The following CPS1 variants were observed in gnomAD, a reference collection of about 807,000 sequenced individuals.
CPS1 encodes the protein carbamoyl-phosphate synthase 1.
CPS1 carries 109 observed loss-of-function variants against 174.6 expected under a neutral mutation model. The ratio of observed to expected loss-of-function variants is 0.62; its 90% CI spans 0.53 to 0.73. The LOEUF is 0.73. CPS1 is among the 30% of genes least tolerant of loss of function. The probability of loss-of-function intolerance (pLI) is 0.00; values close to 1 mark genes in which losing one functional copy is unlikely to be tolerated. For synonymous variants in CPS1, 637 were observed against 632.0 expected, an observed-to-expected ratio of 1.01 and a Z score of -0.12; for missense variants, 1,689 against 1,821.9, an observed-to-expected ratio of 0.93 and a Z score of 1.33.
chr2:210,601,195 G>A (rs1698713332), intron 15 of CPS1, among the ~76,000 whole-genome samples: 1 of 151,888 alleles, frequency 6.6e-6, no homozygotes, highest in African/African-American at 2.4e-5. Context: ...AGGAAGATTT[G>A]CTTTTCTGTT....
chr2:210,511,981 G>A (rs1419109762), intron 1 of CPS1, among the ~76,000 whole-genome samples: 1 of 151,902 alleles, frequency 6.6e-6, no homozygotes, highest in Non-Finnish European at 1.5e-5. Context: ...CCAAATTTCA[G>A]ATTCACCAAT....
intron 27 of CPS1, among the ~76,000 whole-genome samples, chr2:210,649,204 A>G (rs181218127): frequency 6.6e-6 from 1 of 152,310 alleles, no homozygotes; most frequent in Admixed American, 6.5e-5. Context: ...AAATGATGAA[A>G]ATGAAAAATT....
chr2:210,645,024 T>A (rs536876837), intron 25 of CPS1, among the ~76,000 whole-genome samples: 12 of 152,348 alleles, frequency 7.9e-5, no homozygotes, highest in Admixed American at 1.3e-4. Context: ...ATGGCTATGA[T>A]AAGGATGATG....
At chr2:210,599,099 T>G (rs1698608961) in intron 13 of CPS1, among the ~76,000 whole-genome samples, 1 of 151,906 alleles carries the variant, frequency 6.6e-6, no homozygotes, top group Non-Finnish European at 1.5e-5. Context: ...TATATAGAAA[T>G]GGTCTCCAGC....
At chr2:210,569,856 T>C (rs1205217343) in intron 1 of CPS1, among the ~76,000 whole-genome samples, 1 of 152,034 alleles carries the variant, frequency 6.6e-6, no homozygotes, top group Non-Finnish European at 1.5e-5. Context: ...CTTCCCCTTT[T>C]CAAAGTAAGA....
intron 21 of CPS1, chr2:210,631,207 G>A (rs1328871261): frequency 1.3e-5 from 2 of 152,094 alleles, no homozygotes; most frequent in Non-Finnish European, 2.9e-5. Flanking sequence ...TGTGTGAAGT[G>A]CGCTGGCTCC....
intron 1 of CPS1, among the ~76,000 whole-genome samples, chr2:210,530,778 C>T (rs929466413): frequency 7.9e-5 from 12 of 151,892 alleles, no homozygotes; most frequent in Non-Finnish European, 1.6e-4. Flanking sequence ...ATGTAGCTAA[C>T]CACCACCTAC....
At chr2:210,568,669 C>A (rs1402448284) in intron 1 of CPS1, among the ~76,000 whole-genome samples, 1 of 151,884 alleles carries the variant, frequency 6.6e-6, no homozygotes, top group African/African-American at 2.4e-5. Context: ...AGTTGTGACT[C>A]CAAGATACAC....
chr2:210,528,005 A>T (rs1696019807), intron 1 of CPS1, among the ~76,000 whole-genome samples: 1 of 151,754 alleles, frequency 6.6e-6, no homozygotes, highest in African/African-American at 2.4e-5. Flanking sequence ...GAATGATCAG[A>T]CTCTCTGTAT....
At chr2:210,556,528 C>A, upstream of CPS1, 1 of 1,459,444 alleles carries the variant, frequency 6.9e-7, no homozygotes, top group Non-Finnish European at 9.2e-7. Flanking sequence ...TGGACATTAC[C>A]TCAGGAGGAG....
intron 19 of CPS1, among the ~76,000 whole-genome samples, chr2:210,610,218 A>G (rs189435826): frequency 1.3e-5 from 2 of 152,066 alleles, no homozygotes; most frequent in African/African-American, 4.8e-5. Flanking sequence ...AATGTTCACC[A>G]TAAAATTGGT....
intron 1 of CPS1, among the ~76,000 whole-genome samples, chr2:210,532,452 C>T (rs56098529): frequency 0.19 from 29,164 of 152,098 alleles, 3,550 homozygotes; most frequent in Middle Eastern, 0.32. Context: ...AATAGTTATA[C>T]ATAAATCTGA....
At chr2:210,662,382 A>C (rs1340714497) in intron 32 of CPS1, among the ~76,000 whole-genome samples, 1 of 152,210 alleles carries the variant, frequency 6.6e-6, no homozygotes, top group Non-Finnish European at 1.5e-5. Flanking sequence ...AACTTGACCA[A>C]GATGATCCAG....
At chr2:210,491,956 T>G (rs1329101330) in intron 1 of CPS1, among the ~76,000 whole-genome samples, 3 of 151,964 alleles carry the variant, frequency 2.0e-5, no homozygotes, top group Non-Finnish European at 2.9e-5. Context: ...CTTGTGAGAG[T>G]GCTTATGAGC....
At chr2:210,486,241 A>G (rs956760577) in intron 1 of CPS1, among the ~76,000 whole-genome samples, 8 of 151,368 alleles carry the variant, frequency 5.3e-5, no homozygotes, top group African/African-American at 1.9e-4. Context: ...TGGGATGTTT[A>G]TTTACTTAAT....
chr2:210,520,012 A>T (rs1453522482), intron 1 of CPS1, among the ~76,000 whole-genome samples: 1 of 152,006 alleles, frequency 6.6e-6, no homozygotes, highest in Non-Finnish European at 1.5e-5. Flanking sequence ...TGAGAAATAC[A>T]AATCGTCATT....
At chr2:210,552,997 A>C (rs1696770091), upstream of CPS1, among the ~76,000 whole-genome samples, 3 of 151,998 alleles carry the variant, frequency 2.0e-5, no homozygotes, top group South Asian at 6.2e-4. Flanking sequence ...CATATATTGC[A>C]CTGGTATGTA....
intron 1 of CPS1, among the ~76,000 whole-genome samples, chr2:210,558,067 G>T (rs1023070238): frequency 6.6e-6 from 1 of 151,772 alleles, no homozygotes; most frequent in Non-Finnish European, 1.5e-5. Context: ...ACTAGCTCAA[G>T]ATCCCAGGAG....
intron 1 of CPS1, among the ~76,000 whole-genome samples, chr2:210,505,724 G>T (rs1204951933): frequency 6.6e-6 from 1 of 152,182 alleles, no homozygotes; most frequent in Non-Finnish European, 1.5e-5. Flanking sequence ...TTAGCAAACG[G>T]CACACCAGGA....
Sources: gnomAD v4.1 joint callset for allele counts (sites outside exome capture counted in the v4.1 genomes callset) on GRCh38, gnomAD v4.1.1 for gene constraint, MANE v1.5 for transcripts, NCBI Gene and HGNC (gene_info 2026-07-23, HGNC 2026-07-21) for gene names.